The following OSBP2 variants were observed in gnomAD, a reference collection of about 807,000 sequenced individuals.
The protein encoded by OSBP2 is oxysterol-binding protein 2.
Under a neutral mutation model 96.0 loss-of-function variants are expected in OSBP2, and 66 were observed. The observed-to-expected ratio is 0.69, with a 90% confidence interval of 0.56 to 0.84. The LOEUF is 0.84. Ranked by LOEUF, OSBP2 falls within the 40% of genes least tolerant of loss-of-function variation. The probability of loss-of-function intolerance (pLI) is 0.00; values close to 1 mark genes in which losing one functional copy is unlikely to be tolerated. For missense variants in OSBP2, 1,038 were observed against 1,222.7 expected (o/e 0.85, Z 2.25); for synonymous variants, 525 against 520.9 (o/e 1.01, Z -0.11).
intron 8 of OSBP2, among the ~76,000 whole-genome samples, chr22:30,891,730 G>T (rs997178635): frequency 2.6e-5 from 4 of 152,122 alleles, no homozygotes; most frequent in African/African-American, 9.7e-5. Flanking sequence ...ATACGGGGGT[G>T]GGGGGCAGTC....
At chr22:30,849,831 G>A (rs2038943159) in intron 2 of OSBP2, among the ~76,000 whole-genome samples, 1 of 152,108 alleles carries the variant, frequency 6.6e-6, no homozygotes, top group South Asian at 2.1e-4. Context: ...TCTTCTAGAT[G>A]TTTTATAGTT....
intron 2 of OSBP2, among the ~76,000 whole-genome samples, chr22:30,833,769 G>T (rs566995274): frequency 3.6e-4 from 55 of 152,290 alleles, no homozygotes; most frequent in African/African-American, 1.3e-3. Flanking sequence ...ACCTCTTGCA[G>T]GTCTGGGACT....
Position 30,756,918 on chromosome 22 carries a change from G to A in OSBP2, c.853+15549G>A, listed in dbSNP as rs113255631. 7.2e-3 allele frequency among the ~76,000 whole-genome samples: 1,088 copies of A among 152,158 alleles called. 11 individuals are homozygous for A. Among genetic ancestry groups the A allele is most frequent in the African/African-American group, 0.025 (1,028 of 41,512 alleles). ...ACACGTACACATGCTATGCAGCCAC[G>A]TTCTGCAGTGACCCTCCCAGCCATG... On this transcript the variant is annotated intron_variant, in intron 2 of 13. Transcript: ENST00000332585.
chr22:30,726,877 G>C (rs1286513870), intron 1 of OSBP2, among the ~76,000 whole-genome samples: 1 of 152,194 alleles, frequency 6.6e-6, no homozygotes, highest in South Asian at 2.1e-4. Flanking sequence ...TGAGCACTGC[G>C]TAAGTAGAGG....
Position 30,870,591 on chromosome 22 carries a change from G to A in OSBP2, c.1016G>A (p.Gly339Asp). Reference protein sequence around the residue: ...ALQRSLTELDGLKIPSESGEK... With the variant: ...ALQRSLTELDDLKIPSESGEK... ...CAGCGCTCCCTGACAGAGCTGGACGGCCTCAAGATCCCATCTGAGAGTGGG... is the reference window on the plus strand; with the variant it reads ...CAGCGCTCCCTGACAGAGCTGGACGACCTCAAGATCCCATCTGAGAGTGGG... Residue 339 changes from glycine to aspartate, a missense_variant, in exon 3 of 14, where the codon GGC (glycine) becomes GAC (aspartate). By Grantham distance (94) the Gly-to-Asp change is moderately conservative. This residue lies in a region of OSBP2 where 737 missense variants were observed against 913.3 expected (regional missense o/e 0.81). Transcript: ENST00000332585. The surrounding 1 kb of genome is among the most constrained non-coding windows in gnomAD (Gnocchi z 4.1). 1.2e-6 allele frequency: 2 copies of A among 1,614,008 alleles called. No homozygotes were observed. Among genetic ancestry groups the A allele is most frequent in the Non-Finnish European group, 1.7e-6 (2 of 1,180,000 alleles).
chr22:30,791,552 C>T lies in OSBP2; in HGVS notation c.853+50183C>T, dbSNP rs185063204. On this transcript the variant is annotated intron_variant, in intron 2 of 13. Coordinates refer to ENST00000332585, the MANE Select transcript of OSBP2 (RefSeq NM_030758.4). ...ATGTTGGCCAGGCTGGTCTCAAACT[C>T]CTGACCTGAAGTGATCCGCCCGCCT... is the stretch of plus-strand genomic sequence containing the variant. Among the ~76,000 whole-genome samples the T allele has an allele frequency of 5.3e-5, 8 of 152,018 alleles. No individual in the cohort carries two copies. In the East Asian group the frequency reaches 1.4e-3, roughly 26 times the overall value.
intron 2 of OSBP2, among the ~76,000 whole-genome samples, chr22:30,864,215 G>A (rs553328414): frequency 2.0e-5 from 3 of 152,134 alleles, no homozygotes; most frequent in Non-Finnish European, 4.4e-5. Context: ...CAGGTGATCC[G>A]CCCACCGCAG....
At chr22:30,708,779 G>A (rs76310633) in intron 1 of OSBP2, among the ~76,000 whole-genome samples, 7,310 of 151,142 alleles carry the variant, frequency 0.048, 610 homozygotes, top group African/African-American at 0.17. Flanking sequence ...GTGAGCCACC[G>A]TGCCCGGCCA....
At chr22:30,812,591 T>C (rs772584341) in intron 2 of OSBP2, among the ~76,000 whole-genome samples, 1 of 152,256 alleles carries the variant, frequency 6.6e-6, no homozygotes, top group Non-Finnish European at 1.5e-5. Context: ...CAAATCTCCC[T>C]CTACGTGCAT....
At chr22:30,771,152 C>A (rs1194838954) in intron 2 of OSBP2, among the ~76,000 whole-genome samples, 2 of 152,214 alleles carry the variant, frequency 1.3e-5, no homozygotes, top group Non-Finnish European at 2.9e-5. Context: ...CTAGTCCTCT[C>A]CCTGCCATCG....
rs558858241 is a variant in OSBP2, at chr22:30,716,413, T to C, written c.644+20860T>C. On this transcript the variant is annotated intron_variant, in intron 1 of 13. Transcript: ENST00000332585. ...AGAAATGTCTGTTCAAATCCTTTTTTTGTTTGTTTGTTTTTTTGTTTTGTT... is the reference window on the plus strand; with the variant it reads ...AGAAATGTCTGTTCAAATCCTTTTTCTGTTTGTTTGTTTTTTTGTTTTGTT... 2.6e-5 allele frequency among the ~76,000 whole-genome samples: 4 copies of C among 151,976 alleles called. 1 individual carries two copies. In the South Asian group the frequency reaches 8.3e-4, roughly 32 times the overall value.
chr22:30,757,657 G>T (rs2090158417), intron 2 of OSBP2, among the ~76,000 whole-genome samples: 1 of 151,834 alleles, frequency 6.6e-6, no homozygotes, highest in South Asian at 2.1e-4. Flanking sequence ...ACCTCAAGTG[G>T]TCTGCCCGCC....
chr22:30,800,324 G>T, intron 2 of OSBP2, among the ~76,000 whole-genome samples: 1 of 152,162 alleles, frequency 6.6e-6, no homozygotes, highest in South Asian at 2.1e-4. Context: ...GAGGAGGAGG[G>T]CTGGGTCCAG....
At chr22:30,798,740 T>C (rs928767252) in intron 2 of OSBP2, among the ~76,000 whole-genome samples, 1 of 152,206 alleles carries the variant, frequency 6.6e-6, no homozygotes, top group Non-Finnish European at 1.5e-5. Flanking sequence ...CAGCTGGGCA[T>C]GGTGGCTCAC....
intron 2 of OSBP2, among the ~76,000 whole-genome samples, chr22:30,862,692 G>C (rs985538011): frequency 6.6e-6 from 1 of 151,328 alleles, no homozygotes; most frequent in East Asian, 2.0e-4. Context: ...AGAAAAAAAA[G>C]GCTAGGCGCG....
intron 1 of OSBP2, among the ~76,000 whole-genome samples, chr22:30,703,614 T>A (rs1345478744): frequency 6.6e-6 from 1 of 151,692 alleles, no homozygotes; most frequent in Non-Finnish European, 1.5e-5. Context: ...TAGCTGGGAG[T>A]ACAGTCACCT....
At chr22:30,759,763 A>G (rs2090184947) in intron 2 of OSBP2, among the ~76,000 whole-genome samples, 1 of 152,254 alleles carries the variant, frequency 6.6e-6, no homozygotes, top group Admixed American at 6.5e-5. Flanking sequence ...TCACAGGTAA[A>G]TTTTATCAAA....
At chr22:30,707,647 G>A (rs2089275990) in intron 1 of OSBP2, among the ~76,000 whole-genome samples, 1 of 151,280 alleles carries the variant, frequency 6.6e-6, no homozygotes, top group African/African-American at 2.4e-5. Flanking sequence ...AACCCGGGTG[G>A]CGGAGCTTGC....
chr22:30,697,690 A>T (rs1339584240), intron 1 of OSBP2, among the ~76,000 whole-genome samples: 1 of 152,196 alleles, frequency 6.6e-6, no homozygotes, highest in African/African-American at 2.4e-5. Context: ...AGGGAGTGAG[A>T]ACAAGTTTCT....
Sources: gnomAD v4.1 joint callset for allele counts (sites outside exome capture counted in the v4.1 genomes callset) on GRCh38, gnomAD v4.1.1 for gene constraint, gnomAD v4.1.1 regional missense constraint, Gnocchi (gnomAD v3.1) non-coding constraint, MANE v1.5 for transcripts, NCBI Gene and HGNC (gene_info 2026-07-23, HGNC 2026-07-21) for gene names.